The following SNX29 variants were observed in gnomAD, a reference collection of about 807,000 sequenced individuals.
SNX29 encodes the protein sorting nexin 29.
SNX29 carries 78 observed loss-of-function variants against 102.1 expected under a neutral mutation model. That is an observed-to-expected ratio of 0.76 (90% CI 0.64 to 0.92). SNX29 has a LOEUF of 0.92. Ranked by LOEUF, SNX29 falls within the 40% of genes least tolerant of loss-of-function variation. The probability of loss-of-function intolerance (pLI) is 0.00; values close to 1 mark genes in which losing one functional copy is unlikely to be tolerated. For synonymous variants in SNX29, 580 were observed against 414.5 expected, an observed-to-expected ratio of 1.40 and a Z score of -4.85; for missense variants, 1,280 against 1,061.7, an observed-to-expected ratio of 1.21 and a Z score of -2.86.
At chr16:12,282,614 C>G (rs928144113) in intron 15 of SNX29, among the ~76,000 whole-genome samples, 2 of 152,120 alleles carry the variant, frequency 1.3e-5, no homozygotes, top group Admixed American at 6.5e-5. Flanking sequence ...CCTAGAACCT[C>G]AGATTGGGAG....
chr16:12,242,948 A>G (rs1325120887), intron 14 of SNX29, among the ~76,000 whole-genome samples: 4 of 151,950 alleles, frequency 2.6e-5, no homozygotes, highest in Non-Finnish European at 4.4e-5. Context: ...ATACCCAACC[A>G]TTCCCCACCC....
chr16:12,498,909 T>A (rs747065630), intron 19 of SNX29, among the ~76,000 whole-genome samples: 15 of 152,170 alleles, frequency 9.9e-5, no homozygotes, highest in Admixed American at 3.3e-4. Flanking sequence ...CAGTGAACTA[T>A]CATCTAGGAT....
intron 15 of SNX29, among the ~76,000 whole-genome samples, chr16:12,290,579 T>C (rs1415123203): frequency 6.6e-6 from 1 of 152,198 alleles, no homozygotes; most frequent in East Asian, 1.9e-4. Context: ...TTGTATGATT[T>C]AATAATTTTT....
intron 13 of SNX29, among the ~76,000 whole-genome samples, chr16:12,169,823 C>T (rs543106609): frequency 2.0e-5 from 3 of 152,148 alleles, no homozygotes; most frequent in South Asian, 2.1e-4. Context: ...GATCATGCCA[C>T]TGCACTCCAG....
At chr16:12,528,573 G>A (rs1429211609) in intron 20 of SNX29, among the ~76,000 whole-genome samples, 1 of 152,136 alleles carries the variant, frequency 6.6e-6, no homozygotes, top group Non-Finnish European at 1.5e-5. Context: ...GATGCCCCGT[G>A]TCCACTGAAC....
chr16:12,527,123 A>T (rs979669828), intron 20 of SNX29: 1 of 480,418 alleles, frequency 2.1e-6, no homozygotes. Context: ...GGCTTTCCTC[A>T]CTGTTCCAAA....
intron 7 of SNX29, among the ~76,000 whole-genome samples, chr16:12,051,620 T>A (rs749387048): frequency 6.6e-6 from 1 of 152,238 alleles, no homozygotes; most frequent in East Asian, 1.9e-4. Flanking sequence ...AGTTTCAAGA[T>A]GTGCTCTGTG....
intron 19 of SNX29, among the ~76,000 whole-genome samples, chr16:12,485,720 G>A (rs537876584): frequency 7.9e-5 from 12 of 152,242 alleles, no homozygotes; most frequent in South Asian, 4.1e-4. Context: ...ATTAAGGTTC[G>A]GTCTCTGTCC....
At chr16:12,048,045 C>G (rs1409765659) in intron 6 of SNX29, among the ~76,000 whole-genome samples, 1 of 152,068 alleles carries the variant, frequency 6.6e-6, no homozygotes, top group African/African-American at 2.4e-5. Context: ...TACCTCCTCC[C>G]AGTTGACCTC....
In SNX29 at chr16:12,571,762, C is replaced by T. The variant is rs1010355895; in HGVS notation, c.*3133C>T. The T allele has an allele frequency of 9.9e-7, 1 of 1,012,226 alleles. No homozygotes were observed. The highest frequency in any genetic ancestry group is 1.7e-5 in the African/African-American group (1 of 59,728). 62.7% of individuals were successfully genotyped at this position (1,012,226 alleles called of 1,614,324 possible). ...CCTAGCCCAACCATCCACTCCTGATCTGAGACAGAACCTTCTCCGCCACTC... is the reference window on the plus strand; with the variant it reads ...CCTAGCCCAACCATCCACTCCTGATTTGAGACAGAACCTTCTCCGCCACTC... On this transcript the variant is annotated 3_prime_UTR_variant, in exon 21 of 21. Transcript: ENST00000566228.
At chr16:12,564,856 A>G (rs984403551) in intron 20 of SNX29, among the ~76,000 whole-genome samples, 5 of 151,096 alleles carry the variant, frequency 3.3e-5, no homozygotes, top group Admixed American at 6.6e-5. Flanking sequence ...AACAAGGGCT[A>G]TGAGAGATGA....
At chr16:12,209,043 C>T (rs1042594589) in intron 14 of SNX29, among the ~76,000 whole-genome samples, 5 of 152,092 alleles carry the variant, frequency 3.3e-5, no homozygotes, top group Non-Finnish European at 5.9e-5. Flanking sequence ...TTGTAGCTGC[C>T]TCTTTCTGTA....
chr16:12,301,779 C>T (rs1420110510), intron 15 of SNX29, among the ~76,000 whole-genome samples: 1 of 152,202 alleles, frequency 6.6e-6, no homozygotes, highest in East Asian at 1.9e-4. Flanking sequence ...TGGTGTTTCT[C>T]TGAGAGGACT....
At chr16:12,248,534 C>T (rs1299338977) in intron 14 of SNX29, among the ~76,000 whole-genome samples, 1 of 151,966 alleles carries the variant, frequency 6.6e-6, no homozygotes, top group Non-Finnish European at 1.5e-5. Flanking sequence ...CGATTACAGG[C>T]GTGCACCACC....
At chr16:12,505,763 CAAAAAAA>C (rs61113263) in intron 19 of SNX29, among the ~76,000 whole-genome samples, 67 of 75,878 alleles carry the variant, frequency 8.8e-4, no homozygotes, top group Non-Finnish European at 1.4e-3. Context: ...GTCAATTCTG[CAAAAAAA>C]AAAAAAAAAA....
chr16:11,980,284 CT>C (rs1316134247), intron 1 of SNX29, among the ~76,000 whole-genome samples: 3 of 152,094 alleles, frequency 2.0e-5, no homozygotes, highest in Non-Finnish European at 2.9e-5. Flanking sequence ...TCTTATCTGG[CT>C]TTTTTCACTC....
chr16:12,555,807 C>T lies in SNX29; in HGVS notation c.2319-12699C>T, dbSNP rs144679029. Among the ~76,000 whole-genome samples, 395 of 151,770 alleles carry T rather than the reference C, an allele frequency of 2.6e-3. 5 individuals are homozygous for T. In the South Asian group the frequency reaches 0.026, roughly 10 times the overall value. On this transcript the variant is annotated intron_variant, in intron 20 of 20. Coordinates refer to ENST00000566228, the MANE Select transcript of SNX29 (RefSeq NM_032167.5). ...CAGGCAGGCACACTCCTGCCTGCCT[C>T]TGCAAGAAAGGTGCTCCAGCTGACT...
At chr16:12,004,019 G>T (rs904691577) in intron 3 of SNX29, among the ~76,000 whole-genome samples, 8 of 152,012 alleles carry the variant, frequency 5.3e-5, no homozygotes, top group African/African-American at 1.9e-4. Context: ...CTGGGTGACA[G>T]AGTGAGACAG....
intron 13 of SNX29, among the ~76,000 whole-genome samples, chr16:12,153,464 A>G (rs2055387379): frequency 6.7e-6 from 1 of 150,140 alleles, no homozygotes; most frequent in Non-Finnish European, 1.5e-5. Flanking sequence ...TTTGTCTCAA[A>G]AAAAAAAACA....
Sources: gnomAD v4.1 joint callset for allele counts (sites outside exome capture counted in the v4.1 genomes callset) on GRCh38, gnomAD v4.1.1 for gene constraint, MANE v1.5 for transcripts, NCBI Gene and HGNC (gene_info 2026-07-23, HGNC 2026-07-21) for gene names.